The following CNGA1 variants were observed in gnomAD, a reference collection of about 807,000 sequenced individuals.
CNGA1 encodes cyclic nucleotide gated channel subunit alpha 1, also known as cyclic nucleotide-gated channel alpha-1.
Under a neutral mutation model 69.7 loss-of-function variants are expected in CNGA1, and 53 were observed. The observed-to-expected ratio is 0.76, with a 90% confidence interval of 0.61 to 0.96. The LOEUF (loss-of-function observed/expected upper bound fraction) is 0.96, where lower values mean the gene tolerates loss of function less well. CNGA1 is among the 40% of genes least tolerant of loss of function. The probability of loss-of-function intolerance (pLI) is 0.00; values close to 1 mark genes in which losing one functional copy is unlikely to be tolerated. For missense variants in CNGA1, 739 were observed against 811.2 expected, an observed-to-expected ratio of 0.91 and a Z score of 1.08; for synonymous variants, 249 against 283.5, an observed-to-expected ratio of 0.88 and a Z score of 1.22.
At chr4:47,948,621 C>G (rs1739565599) in intron 6 of CNGA1, among the ~76,000 whole-genome samples, 1 of 152,104 alleles carries the variant, frequency 6.6e-6, no homozygotes, top group African/African-American at 2.4e-5. Context: ...GCCCAACAGG[C>G]AAGGAAGAGA....
intron 3 of CNGA1, among the ~76,000 whole-genome samples, chr4:47,960,848 A>T (rs969514344): frequency 7.2e-5 from 11 of 152,202 alleles, no homozygotes; most frequent in Non-Finnish European, 1.5e-4. Flanking sequence ...TTTATATAAA[A>T]TTTAAGGACA....
At chr4:47,995,350 A>G (rs940757846) in intron 2 of CNGA1, among the ~76,000 whole-genome samples, 1 of 151,944 alleles carries the variant, frequency 6.6e-6, no homozygotes, top group Non-Finnish European at 1.5e-5. Flanking sequence ...ATATTTTCTT[A>G]TTCTTTTTTG....
intron 3 of CNGA1, 73 bp downstream of exon 3, chr4:47,981,320 T>C (rs1222696716): frequency 6.6e-6 from 1 of 152,192 alleles, no homozygotes; most frequent in East Asian, 1.9e-4. Context: ...GCTGAAACTT[T>C]AAAGAGTCAA....
At chr4:47,971,154 G>A (rs2053407) in intron 3 of CNGA1, 36,034 of 439,200 alleles carry the variant, frequency 0.082, 2,873 homozygotes, top group East Asian at 0.34. Flanking sequence ...ACATATATAT[G>A]TAAATATCTA....
At chr4:47,976,988 G>C (rs1030653204) in intron 3 of CNGA1, among the ~76,000 whole-genome samples, 3 of 152,220 alleles carry the variant, frequency 2.0e-5, no homozygotes, top group Non-Finnish European at 4.4e-5. Context: ...ATTGGATCTT[G>C]AAAGATGAAT....
intron 2 of CNGA1, among the ~76,000 whole-genome samples, chr4:48,001,061 AT>A (rs1714646045): frequency 6.6e-6 from 1 of 152,222 alleles, no homozygotes; most frequent in Non-Finnish European, 1.5e-5. Context: ...AGATTTTCAG[AT>A]TGGTTACAAA....
intron 8 of CNGA1, 82 bp downstream of exon 8, chr4:47,943,099 T>C: frequency 4.1e-6 from 4 of 975,432 alleles, no homozygotes; most frequent in Non-Finnish European, 6.4e-6. Flanking sequence ...AGTTTCTTTC[T>C]ACTTTGTATT....
At chr4:47,937,915 G>A in intron 10 of CNGA1, 86 bp from the exon 11 acceptor site, 2 of 966,858 alleles carry the variant, frequency 2.1e-6, no homozygotes, top group Non-Finnish European at 3.2e-6. Context: ...TAACTTTGTT[G>A]AGGTCAACAG....
chr4:48,004,447 T>C lies in CNGA1; in HGVS notation c.-123+6347A>G, dbSNP rs1416199105. Among the ~76,000 whole-genome samples, 3 of 152,152 alleles carry C rather than the reference T, an allele frequency of 2.0e-5. No homozygotes were observed. In the East Asian group the frequency reaches 5.8e-4, roughly 29 times the overall value. ...ACGAGGAGAAAACCCACCGACCCTG[T>C]GGGGCTGGACCCTACACTTTTCTTT... On this transcript the variant is annotated intron_variant, in intron 2 of 10. Coordinates refer to ENST00000514170, the MANE Select transcript of CNGA1 (RefSeq NM_001379270.1).
chr4:47,978,345 C>T (rs1220567947), intron 3 of CNGA1, among the ~76,000 whole-genome samples: 1 of 152,054 alleles, frequency 6.6e-6, no homozygotes, highest in East Asian at 1.9e-4. Flanking sequence ...GATGTCTTCT[C>T]ATTTACTAAT....
At chr4:47,995,434 T>C (rs1021134872) in intron 2 of CNGA1, among the ~76,000 whole-genome samples, 1 of 151,218 alleles carries the variant, frequency 6.6e-6, no homozygotes, top group Non-Finnish European at 1.5e-5. Context: ...TGTTTAATTA[T>C]GTTGCTGAGA....
chr4:47,985,233 T>C (rs924505808), intron 2 of CNGA1, among the ~76,000 whole-genome samples: 1 of 152,300 alleles, frequency 6.6e-6, no homozygotes, highest in South Asian at 2.1e-4. Flanking sequence ...AAGACAAATA[T>C]CAAAGTTAAA....
At chr4:47,954,862 T>C (rs978507059) in intron 3 of CNGA1, among the ~76,000 whole-genome samples, 3 of 152,210 alleles carry the variant, frequency 2.0e-5, no homozygotes, top group Non-Finnish European at 4.4e-5. Context: ...TTCTGTGCCG[T>C]TGATGACTAT....
In CNGA1 at chr4:47,937,280, G is replaced by T. The variant is rs772508507; in HGVS notation, c.1202C>A (p.Ala401Glu). ...NIGSMISNMNAARAEFQARID... is the reference protein window; with the variant it reads ...NIGSMISNMNEARAEFQARID... ...TCTTGCTTGAAATTCTGCTCTGGCT[G>T]CATTCATGTTGGAAATCATAGAACC... The change falls in exon 11 of 11, where the codon GCA becomes GAA. Residue 401 changes from alanine to glutamate, a missense_variant. Physicochemically the swap from Ala to Glu is moderately radical, Grantham distance 107. Coordinates refer to ENST00000514170, the MANE Select transcript of CNGA1 (RefSeq NM_001379270.1). 6.2e-7 allele frequency: 1 copy of T among 1,613,944 alleles called. No individual in the cohort carries two copies. The highest frequency in any genetic ancestry group is 1.1e-5 in the South Asian group (1 of 91,080).
intron 2 of CNGA1, among the ~76,000 whole-genome samples, chr4:47,995,429 A>G (rs1961011): frequency 0.29 from 43,943 of 151,870 alleles, 7,024 homozygotes; most frequent in African/African-American, 0.43. Context: ...CTACTTGTTT[A>G]ATTATGTTGC....
Position 47,936,189 on chromosome 4 carries a change from C to T in CNGA1, c.*232G>A. The T allele has an allele frequency of 1.8e-6, 1 of 552,948 alleles. No homozygotes were observed. 34.3% of individuals were successfully genotyped at this position (552,948 alleles called of 1,614,324 possible). A position where few individuals can be genotyped will look rare whatever the true frequency, so the allele number is the denominator to read the frequency against. The stretch of plus-strand genomic sequence containing the variant: ...AAAATACAGACACTGACAAGTTAAT[C>T]AGTTTATATCTTTGCACATTATCAG... On this transcript the variant is annotated 3_prime_UTR_variant, in exon 11 of 11. Coordinates refer to ENST00000514170, the MANE Select transcript of CNGA1 (RefSeq NM_001379270.1).
chr4:47,968,649 G>A (rs1359823336), intron 3 of CNGA1, among the ~76,000 whole-genome samples: 1 of 152,158 alleles, frequency 6.6e-6, no homozygotes, highest in Admixed American at 6.6e-5. Flanking sequence ...AGTTAGGAAT[G>A]GCCCACAGGA....
intron 6 of CNGA1, among the ~76,000 whole-genome samples, chr4:47,948,871 A>C (rs892024185): frequency 1.3e-5 from 2 of 152,204 alleles, no homozygotes; most frequent in Non-Finnish European, 2.9e-5. Context: ...CTAGACCAGC[A>C]GATGTGCTGG....
chr4:47,949,654 T>G (rs1413435751), intron 6 of CNGA1, among the ~76,000 whole-genome samples, 179 bp downstream of exon 6: 1 of 152,234 alleles, frequency 6.6e-6, no homozygotes, highest in Non-Finnish European at 1.5e-5. Context: ...TTTTTCTACA[T>G]GTATTCAAAT....
Sources: allele counts gnomAD v4.1 joint callset (sites outside exome capture counted in the v4.1 genomes callset), GRCh38; gene constraint gnomAD v4.1.1; transcripts MANE v1.5; gene names NCBI Gene and HGNC (gene_info 2026-07-23, HGNC 2026-07-21).